LARGE1: variants seen among roughly 807,000 people sequenced by gnomAD.
LARGE1 encodes the protein xylosyl- and glucuronyltransferase LARGE1.
In LARGE1, 43 loss-of-function variants were observed where a neutral mutation model predicts 87.6. That is an observed-to-expected ratio of 0.49 (90% CI 0.38 to 0.63). LARGE1 has a LOEUF of 0.63. Among genes scored for constraint, LARGE1 ranks in the 30% least tolerant of loss-of-function variants. LARGE1 has a pLI of 0.00. For synonymous variants in LARGE1, 434 were observed against 394.6 expected (o/e 1.10, Z -1.18); for missense variants, 802 against 1,000.2 (o/e 0.80, Z 2.67).
chr22:33,868,713 T>C (rs1380429088), intron 1 of LARGE1, among the ~76,000 whole-genome samples: 2 of 152,216 alleles, frequency 1.3e-5, no homozygotes, highest in Non-Finnish European at 2.9e-5. Flanking sequence ...TTTCTAGTGA[T>C]TGCCCACGCC....
chr22:33,307,773 T>C (rs1029422604), intron 11 of LARGE1, among the ~76,000 whole-genome samples: 1 of 151,882 alleles, frequency 6.6e-6, no homozygotes, highest in African/African-American at 2.4e-5. Flanking sequence ...CCTTTTTCTT[T>C]TCTTTTTTTT....
At chr22:33,392,205 C>T (rs1040530509) in intron 7 of LARGE1, among the ~76,000 whole-genome samples, 206 of 150,868 alleles carry the variant, frequency 1.4e-3, no homozygotes, top group African/African-American at 4.8e-3. Context: ...GAAAAAACTG[C>T]AGTGGACTTG....
chr22:33,326,671 A>G (rs1569058928), intron 10 of LARGE1, among the ~76,000 whole-genome samples: 1 of 152,212 alleles, frequency 6.6e-6, no homozygotes, highest in Non-Finnish European at 1.5e-5. Context: ...CTACTGCACA[A>G]GTAAGAGATG....
At chr22:33,454,774 G>T (rs965380876) in intron 6 of LARGE1, among the ~76,000 whole-genome samples, 2 of 152,118 alleles carry the variant, frequency 1.3e-5, no homozygotes, top group Non-Finnish European at 2.9e-5. Flanking sequence ...CGTCTCACAT[G>T]GTGGGAGCAG....
At chr22:33,782,757 C>G (rs1231779923) in intron 1 of LARGE1, among the ~76,000 whole-genome samples, 1 of 151,462 alleles carries the variant, frequency 6.6e-6, no homozygotes, top group Non-Finnish European at 1.5e-5. Flanking sequence ...CCCAGCTACT[C>G]GGGAGGCTGA....
intron 2 of LARGE1, among the ~76,000 whole-genome samples, chr22:33,719,714 G>T (rs2083034277): frequency 6.6e-6 from 1 of 151,970 alleles, no homozygotes. Context: ...TAGAGATGGG[G>T]TTTCACCATA....
chr22:33,076,453 A>G, the LARGE1 span, among the ~76,000 whole-genome samples: 1 of 152,186 alleles, frequency 6.6e-6, no homozygotes, highest in African/African-American at 2.4e-5. Flanking sequence ...TGTAATTTCT[A>G]GGATTCTTCT....
At chr22:33,540,953 G>A (rs557746049) in intron 6 of LARGE1, among the ~76,000 whole-genome samples, 1 of 150,856 alleles carries the variant, frequency 6.6e-6, no homozygotes, top group Non-Finnish European at 1.5e-5. Flanking sequence ...GGGCAACGTG[G>A]CAAAACCCCA....
At chr22:33,106,990 T>C in the LARGE1 span, among the ~76,000 whole-genome samples, 4 of 152,192 alleles carry the variant, frequency 2.6e-5, no homozygotes, top group Non-Finnish European at 5.9e-5. Flanking sequence ...TAATTCAGGG[T>C]TGGTTTTCAT....
intron 10 of LARGE1, among the ~76,000 whole-genome samples, chr22:33,318,847 A>G (rs559296005): frequency 1.3e-5 from 2 of 152,164 alleles, no homozygotes; most frequent in Non-Finnish European, 2.9e-5. Context: ...AATACAGACA[A>G]AAGTTTACAT....
intron 2 of LARGE1, among the ~76,000 whole-genome samples, chr22:33,754,725 T>C (rs2084446067): frequency 1.3e-5 from 2 of 152,236 alleles, no homozygotes; most frequent in Non-Finnish European, 1.5e-5. Flanking sequence ...TATGTTCTTA[T>C]ACTCCATAAT....
intron 2 of LARGE1, among the ~76,000 whole-genome samples, chr22:33,692,459 C>G (rs1042183462): frequency 6.6e-6 from 1 of 152,148 alleles, no homozygotes; most frequent in Non-Finnish European, 1.5e-5. Flanking sequence ...TACAGGCACC[C>G]GTCATCACAA....
At chr22:33,770,508 C>T (rs1298185181) in intron 1 of LARGE1, among the ~76,000 whole-genome samples, 5 of 151,968 alleles carry the variant, frequency 3.3e-5, no homozygotes, top group Admixed American at 2.0e-4. Context: ...ATAGAGAGAC[C>T]TACCAACTCT....
chr22:33,154,022 G>A, the LARGE1 span, among the ~76,000 whole-genome samples: 2 of 152,110 alleles, frequency 1.3e-5, no homozygotes, highest in Non-Finnish European at 2.9e-5. Flanking sequence ...CTTCTGCCAA[G>A]GTCATATTCC....
At chr22:33,525,105 G>C (rs2071816322) in intron 6 of LARGE1, among the ~76,000 whole-genome samples, 1 of 152,124 alleles carries the variant, frequency 6.6e-6, no homozygotes, top group Admixed American at 6.6e-5. Flanking sequence ...GGAACTCATG[G>C]CTTACTCAAG....
chr22:33,347,242 T>C (rs535720923), intron 9 of LARGE1, among the ~76,000 whole-genome samples: 206 of 152,362 alleles, frequency 1.4e-3, no homozygotes, highest in African/African-American at 4.7e-3. Context: ...AGAGAACTCA[T>C]TGCATGCTTC....
chr22:33,686,557 A>G (rs1195207503), intron 2 of LARGE1, among the ~76,000 whole-genome samples: 2 of 70,126 alleles, frequency 2.9e-5, no homozygotes, highest in Admixed American at 1.7e-4. Context: ...AAAAAAAAAA[A>G]AAAAAAAAAC....
chr22:33,260,727 G>A (rs953113564), intron 11 of LARGE1, among the ~76,000 whole-genome samples: 1 of 152,168 alleles, frequency 6.6e-6, no homozygotes, highest in African/African-American at 2.4e-5. Flanking sequence ...GAGAAAACCC[G>A]TGGAAGATTT....
chr22:33,470,255 T>C (rs4821150), intron 6 of LARGE1, among the ~76,000 whole-genome samples: 37,295 of 151,868 alleles, frequency 0.25, 4,931 homozygotes, highest in African/African-American at 0.34. Flanking sequence ...TGTAATTTAC[T>C]TATATCACAA....
Sources: gnomAD v4.1 joint callset for allele counts (sites outside exome capture counted in the v4.1 genomes callset) on GRCh38, gnomAD v4.1.1 for gene constraint, MANE v1.5 for transcripts, NCBI Gene and HGNC (gene_info 2026-07-23, HGNC 2026-07-21) for gene names.